The following GPR137B variants were observed in gnomAD, a reference collection of about 807,000 sequenced individuals.
GPR137B encodes integral membrane protein GPR137B.
GPR137B carries 42 observed loss-of-function variants against 42.5 expected under a neutral mutation model. That is an observed-to-expected ratio of 0.99 (90% CI 0.77 to 1.28). The LOEUF (loss-of-function observed/expected upper bound fraction) is 1.28. GPR137B is among the 50% of genes most tolerant of loss of function. The pLI is 0.00. For missense variants in GPR137B, 487 were observed against 493.9 expected (o/e 0.99, Z 0.13); for synonymous variants, 218 against 209.7 (o/e 1.04, Z -0.34).
chr1:236,168,839 A>G, intron 2 of GPR137B, 84 bp downstream of exon 2: 3 of 1,022,360 alleles, frequency 2.9e-6, no homozygotes, highest in Non-Finnish European at 3.1e-6. Context: ...GGGTTTGCAC[A>G]CATCGCTGTT....
chr1:236,195,018 G>A (rs2102921795), intron 5 of GPR137B, among the ~76,000 whole-genome samples: 1 of 152,018 alleles, frequency 6.6e-6, no homozygotes, highest in East Asian at 1.9e-4. Context: ...ATATTTATGG[G>A]GTACATGAGA....
chr1:236,172,639 C>G (rs1182501107), intron 2 of GPR137B, among the ~76,000 whole-genome samples: 4 of 148,688 alleles, frequency 2.7e-5, no homozygotes, highest in African/African-American at 9.9e-5. Context: ...TGCCCTCTAG[C>G]TTTGTGATTT....
intron 5 of GPR137B, among the ~76,000 whole-genome samples, chr1:236,191,865 TCTC>T (rs1475198085): frequency 1.1e-4 from 16 of 152,258 alleles, no homozygotes; most frequent in South Asian, 4.2e-4. Flanking sequence ...TGCTGAGAGA[TCTC>T]CTTCTCTCTT....
chr1:236,203,913 G>A (rs773465886), intron 5 of GPR137B, among the ~76,000 whole-genome samples: 7 of 151,966 alleles, frequency 4.6e-5, no homozygotes, highest in Non-Finnish European at 8.8e-5. Flanking sequence ...TTCCAATTTG[G>A]ATGCCCTTTC....
At position 236,164,886 on chromosome 1, in the gene GPR137B, AAGAGAGAG is replaced by A. The variant is rs10581092; in HGVS notation, c.415-3792_415-3785del. 9.1e-3 allele frequency among the ~76,000 whole-genome samples: 1,313 copies of A among 143,968 alleles called. 20 individuals are homozygous for A. The highest frequency in any genetic ancestry group is 0.029 in the African/African-American group (1,157 of 39,754). The allele number at this position is 143,968 out of a possible 152,430, so 94.4% of individuals were successfully genotyped here. On this transcript the variant is annotated intron_variant, in intron 1 of 6. Transcript: ENST00000366592. Reference sequence around the variant, plus strand: ...GCTTGAATAGTGCCCAGATGAATTCAAGAGAGAGAGAGAGAGAGAGAGAGAGAGAGAGA... The same window carrying A: ...GCTTGAATAGTGCCCAGATGAATTCAAGAGAGAGAGAGAGAGAGAGAGAGA...
chr1:236,196,254 G>A (rs542335604), intron 5 of GPR137B, among the ~76,000 whole-genome samples: 13 of 151,872 alleles, frequency 8.6e-5, no homozygotes, highest in Admixed American at 2.6e-4. Flanking sequence ...ATTCTCCTGC[G>A]TCAGCCTCCT....
intron 1 of GPR137B, among the ~76,000 whole-genome samples, chr1:236,152,802 A>G (rs1184833179): frequency 2.0e-5 from 3 of 151,928 alleles, no homozygotes; most frequent in Admixed American, 2.0e-4. Flanking sequence ...TCACGTCTAT[A>G]ATCCCAGCAC....
Position 236,208,731 on chromosome 1 carries a change from T to G in GPR137B, c.*573T>G. On this transcript the variant is annotated 3_prime_UTR_variant, in exon 7 of 7. Transcript: ENST00000366592. Reference sequence around the variant, plus strand: ...TGGTAAAGCAGCAGACTGTAAGGTCTTTAGAGATTTTTTTTTTAAGGTTCA... The same window carrying G: ...TGGTAAAGCAGCAGACTGTAAGGTCGTTAGAGATTTTTTTTTTAAGGTTCA... 1 of 985,240 alleles carries G rather than the reference T, an allele frequency of 1.0e-6. No individual in the cohort carries two copies. Among genetic ancestry groups the G allele is most frequent in the African/African-American group, 1.7e-5 (1 of 57,334 alleles). The allele number at this position is 985,240 out of a possible 1,614,324, so 61.0% of individuals were successfully genotyped here. A position where few individuals can be genotyped will look rare whatever the true frequency, so the allele number is the denominator to read the frequency against.
chr1:236,144,499 G>A (rs1661628813), intron 1 of GPR137B, among the ~76,000 whole-genome samples: 1 of 152,218 alleles, frequency 6.6e-6, no homozygotes, highest in African/African-American at 2.4e-5. Flanking sequence ...AAATATGGAA[G>A]AAGTACTTTT....
intron 1 of GPR137B, among the ~76,000 whole-genome samples, chr1:236,148,228 A>G (rs910401986): frequency 6.6e-6 from 1 of 152,190 alleles, no homozygotes; most frequent in Non-Finnish European, 1.5e-5. Flanking sequence ...TCCAGGTTTC[A>G]GGATAGAGGC....
intron 1 of GPR137B, among the ~76,000 whole-genome samples, chr1:236,148,204 T>C (rs1351867572): frequency 6.6e-6 from 1 of 152,240 alleles, no homozygotes; most frequent in African/African-American, 2.4e-5. Context: ...TGAGGAATTA[T>C]GGTGCCTTCT....
intron 5 of GPR137B, among the ~76,000 whole-genome samples, chr1:236,194,395 T>G (rs1021805477): frequency 3.9e-5 from 6 of 152,154 alleles, no homozygotes; most frequent in Non-Finnish European, 8.8e-5. Flanking sequence ...GCGTGGCTCA[T>G]AGGTATTCTT....
Position 236,155,985 on chromosome 1 carries a change from G to A in GPR137B, c.415-12721G>A, listed in dbSNP as rs1257989306. 6.6e-6 allele frequency among the ~76,000 whole-genome samples: 1 copy of A among 152,122 alleles called. No homozygotes were observed. Among genetic ancestry groups the A allele is most frequent in the Non-Finnish European group, 1.5e-5 (1 of 68,020 alleles). On this transcript the variant is annotated intron_variant, in intron 1 of 6. Transcript: ENST00000366592. The surrounding 1 kb of genome is among the most constrained non-coding windows in gnomAD (Gnocchi z 4.6). ...CGCACACACATGCACACACACGCGC[G>A]CGCGCAAACACACATGCATACACCT...
chr1:236,208,077 A>C lies in GPR137B; in HGVS notation c.1119A>C (p.Gly373=), dbSNP rs1428370314. 1.2e-6 allele frequency: 2 copies of C among 1,613,132 alleles called. No individual in the cohort carries two copies. Among genetic ancestry groups the C allele is most frequent in the Middle Eastern group, 1.6e-4 (1 of 6,062 alleles). The change falls in exon 7 of 7, where the codon GGA becomes GGC. Residue 373 remains glycine (G), a synonymous_variant. Transcript: ENST00000366592. The part of the protein sequence containing the change: ...GGFAPDYYDW[G]QQTNSFLAQA... ...TTGCTCCAGATTACTATGATTGGGGACAACAAACTAACAGCTTCCTGGCAC... is the reference window on the plus strand; with the variant it reads ...TTGCTCCAGATTACTATGATTGGGGCCAACAAACTAACAGCTTCCTGGCAC...
At position 236,161,030 on chromosome 1, in the gene GPR137B, C is replaced by G. The variant is rs563872234; in HGVS notation, c.415-7676C>G. ...CAGTGACCCCACAGTCCACTGTAGA[C>G]CTTTTCCATCCCAGAAGGAACCCCG... is the stretch of plus-strand genomic sequence containing the variant. On this transcript the variant is annotated intron_variant, in intron 1 of 6. Transcript: ENST00000366592. 1.1e-4 allele frequency among the ~76,000 whole-genome samples: 17 copies of G among 152,206 alleles called. No homozygotes were observed. In the South Asian group the frequency reaches 1.2e-3, roughly 11 times the overall value.
At chr1:236,180,773 T>C (rs753221326) in intron 4 of GPR137B, among the ~76,000 whole-genome samples, 2 of 151,744 alleles carry the variant, frequency 1.3e-5, no homozygotes, top group Non-Finnish European at 2.9e-5. Flanking sequence ...CCCACTACCA[T>C]ACCTGGCTAA....
At chr1:236,188,796 C>G (rs1663108672) in intron 5 of GPR137B, among the ~76,000 whole-genome samples, 1 of 152,162 alleles carries the variant, frequency 6.6e-6, no homozygotes, top group Non-Finnish European at 1.5e-5. Flanking sequence ...GTTGTTGTGT[C>G]TCTGCCAGGT....
At chr1:236,160,554 C>G (rs184656467) in intron 1 of GPR137B, among the ~76,000 whole-genome samples, 4 of 152,202 alleles carry the variant, frequency 2.6e-5, no homozygotes, top group African/African-American at 9.6e-5. Context: ...TGTCCACAAG[C>G]ATGCTCAGGT....
intron 4 of GPR137B, 72 bp downstream of exon 4, chr1:236,180,100 C>A: frequency 7.4e-7 from 1 of 1,359,584 alleles, no homozygotes; most frequent in Non-Finnish European, 1.1e-6. Context: ...GGTTCCAGGA[C>A]CCCAGAAAAT....
Sources: gnomAD v4.1 joint callset for allele counts (sites outside exome capture counted in the v4.1 genomes callset) on GRCh38, gnomAD v4.1.1 for gene constraint, Gnocchi (gnomAD v3.1) non-coding constraint, MANE v1.5 for transcripts, NCBI Gene and HGNC (gene_info 2026-07-23, HGNC 2026-07-21) for gene names.